The following TTC28 variants were observed in gnomAD, a reference collection of about 807,000 sequenced individuals.
The protein encoded by TTC28 is tetratricopeptide repeat protein 28.
A neutral mutation model predicts 198.0 loss-of-function variants in TTC28; 61 were observed. The observed-to-expected ratio is 0.31, with a 90% CI of 0.25 to 0.38. The LOEUF is 0.38. Ranked by LOEUF, TTC28 falls within the 10% of genes least tolerant of loss-of-function variation. The pLI, the probability that TTC28 is intolerant of heterozygous loss-of-function variation, is 1.00. For missense variants in TTC28, 2,678 were observed against 3,164.0 expected, an observed-to-expected ratio of 0.85 and a Z score of 3.69; for synonymous variants, 1,171 against 1,297.8, an observed-to-expected ratio of 0.90 and a Z score of 2.10.
At chr22:28,086,668 C>T (rs1281185035) in intron 12 of TTC28, among the ~76,000 whole-genome samples, 1 of 151,982 alleles carries the variant, frequency 6.6e-6, no homozygotes, top group African/African-American at 2.4e-5. Flanking sequence ...AAAATCAGAG[C>T]AGAACTGAAG....
chr22:28,379,994 C>T (rs1056963034), intron 2 of TTC28, among the ~76,000 whole-genome samples: 19 of 151,582 alleles, frequency 1.3e-4, no homozygotes, highest in Admixed American at 1.1e-3. Context: ...GAAATTTGTA[C>T]GGGCTACAAT....
At chr22:28,003,877 A>G (rs1373111636) in intron 14 of TTC28, among the ~76,000 whole-genome samples, 1 of 152,190 alleles carries the variant, frequency 6.6e-6, no homozygotes, top group East Asian at 1.9e-4. Flanking sequence ...CTATTGTCAG[A>G]AGTCTCCCAA....
intron 1 of TTC28, among the ~76,000 whole-genome samples, chr22:28,630,263 T>C (rs1007093639): frequency 6.6e-6 from 1 of 152,104 alleles, no homozygotes; most frequent in Non-Finnish European, 1.5e-5. Flanking sequence ...TATTTATAGA[T>C]TACTCAGCCT....
chr22:28,069,927 C>CAA (rs1233447804), intron 12 of TTC28, among the ~76,000 whole-genome samples: 2 of 41,176 alleles, frequency 4.9e-5, no homozygotes, highest in Non-Finnish European at 9.6e-5. Flanking sequence ...GTTGTACAAA[C>CAA]ACACACACAC....
chr22:28,642,232 G>A (rs2051379812), intron 1 of TTC28, among the ~76,000 whole-genome samples: 1 of 151,674 alleles, frequency 6.6e-6, no homozygotes, highest in East Asian at 1.9e-4. Context: ...AAAAAAGTAG[G>A]GGGAGGAAAG....
chr22:28,295,276 T>G (rs1235017303), intron 5 of TTC28, among the ~76,000 whole-genome samples: 1 of 152,218 alleles, frequency 6.6e-6, no homozygotes, highest in Admixed American at 6.5e-5. Context: ...AGTAGAATTC[T>G]TAGATGTAAA....
At chr22:28,507,032 C>T (rs2048622510) in intron 2 of TTC28, among the ~76,000 whole-genome samples, 1 of 152,188 alleles carries the variant, frequency 6.6e-6, no homozygotes. Flanking sequence ...ACCTCTCCAG[C>T]AAGGGCACAG....
chr22:28,556,711 G>A (rs2049792024), intron 2 of TTC28, among the ~76,000 whole-genome samples: 1 of 152,238 alleles, frequency 6.6e-6, no homozygotes, highest in Non-Finnish European at 1.5e-5. Context: ...GGCTGATTCT[G>A]GCTGAAGGTA....
intron 2 of TTC28, among the ~76,000 whole-genome samples, chr22:28,319,666 C>A (rs893266452): frequency 6.6e-6 from 1 of 152,172 alleles, no homozygotes; most frequent in African/African-American, 2.4e-5. Flanking sequence ...TTAAAAAATT[C>A]TCTTCTCAAA....
intron 2 of TTC28, among the ~76,000 whole-genome samples, chr22:28,355,515 T>C (rs562169874): frequency 6.6e-6 from 1 of 152,324 alleles, no homozygotes; most frequent in Non-Finnish European, 1.5e-5. Context: ...GCATTTTACA[T>C]ATCTAATTTA....
chr22:28,454,299 C>T (rs982788812), intron 2 of TTC28, among the ~76,000 whole-genome samples: 2 of 152,128 alleles, frequency 1.3e-5, no homozygotes, highest in African/African-American at 4.8e-5. Context: ...TTATCCAATC[C>T]TTAAAACATT....
chr22:28,458,123 G>A (rs942603451), intron 2 of TTC28, among the ~76,000 whole-genome samples: 1 of 151,886 alleles, frequency 6.6e-6, no homozygotes, highest in Admixed American at 6.6e-5. Context: ...GATTTACTAG[G>A]TATAAAATAT....
At chr22:28,428,636 T>TTTTATTTTAC in intron 2 of TTC28, among the ~76,000 whole-genome samples, 1 of 150,866 alleles carries the variant, frequency 6.6e-6, no homozygotes, top group East Asian at 1.9e-4. Flanking sequence ...TTTTATTTTA[T>TTTTATTTTAC]TTTATTTTAT....
At chr22:28,512,393 A>G (rs1234619539) in intron 2 of TTC28, among the ~76,000 whole-genome samples, 1 of 152,210 alleles carries the variant, frequency 6.6e-6, no homozygotes, top group Non-Finnish European at 1.5e-5. Flanking sequence ...TAGAGGCAGA[A>G]ATACCATTTG....
intron 6 of TTC28, among the ~76,000 whole-genome samples, chr22:28,127,071 G>A (rs1019081196): frequency 2.2e-4 from 34 of 152,138 alleles, no homozygotes; most frequent in Non-Finnish European, 4.0e-4. Flanking sequence ...AACACTTATT[G>A]TTTAGATTGA....
intron 2 of TTC28, among the ~76,000 whole-genome samples, chr22:28,430,887 G>GA (rs695539): frequency 1.7e-3 from 227 of 134,560 alleles, no homozygotes; most frequent in East Asian, 4.9e-3. Flanking sequence ...CATTGTAAAA[G>GA]AAAAAAAAAA....
At chr22:28,297,164 T>C (rs1379576004) in intron 4 of TTC28, among the ~76,000 whole-genome samples, 1 of 152,176 alleles carries the variant, frequency 6.6e-6, no homozygotes, top group African/African-American at 2.4e-5. Flanking sequence ...AAGACCTGAA[T>C]AGTCTAAAAC....
At chr22:28,176,321 A>G (rs965048821) in intron 5 of TTC28, among the ~76,000 whole-genome samples, 1 of 152,208 alleles carries the variant, frequency 6.6e-6, no homozygotes, top group African/African-American at 2.4e-5. Flanking sequence ...AAGAATGACA[A>G]ATTATGCATG....
chr22:28,531,619 C>G (rs961394956), intron 2 of TTC28, among the ~76,000 whole-genome samples: 1 of 152,152 alleles, frequency 6.6e-6, no homozygotes, highest in African/African-American at 2.4e-5. Flanking sequence ...CTTCTCAGCA[C>G]CACATCACAC....
Sources: gnomAD v4.1 joint callset for allele counts (sites outside exome capture counted in the v4.1 genomes callset) on GRCh38, gnomAD v4.1.1 for gene constraint, MANE v1.5 for transcripts, NCBI Gene and HGNC (gene_info 2026-07-23, HGNC 2026-07-21) for gene names.